NRCAM: variants seen among roughly 807,000 people sequenced by gnomAD.
NRCAM encodes the protein NgCAM-related cell adhesion molecule.
In NRCAM, 83 loss-of-function variants were observed where a neutral mutation model predicts 156.5. The ratio of observed to expected loss-of-function variants is 0.53; its 90% CI spans 0.44 to 0.64. The LOEUF is 0.64. Among genes scored for constraint, NRCAM ranks in the 30% least tolerant of loss-of-function variants. The pLI is 0.00. For missense variants in NRCAM, 1,417 were observed against 1,597.3 expected, an observed-to-expected ratio of 0.89 and a Z score of 1.92; for synonymous variants, 538 against 563.9, an observed-to-expected ratio of 0.95 and a Z score of 0.65.
In NRCAM at chr7:108,308,015, G is replaced by A. The variant is rs372506387; in HGVS notation, c.-107+4650C>T. 1.2e-4 allele frequency among the ~76,000 whole-genome samples: 18 copies of A among 152,300 alleles called. No individual in the cohort carries two copies. The East Asian group carries it at 3.5e-3, about 29-fold the overall frequency. ...TCTCACTTCCAATTGTCCATACTTG[G>A]AGTATCTCACCCATTAGGTTATGTT... On this transcript the variant is annotated intron_variant, in intron 3 of 32. Transcript: ENST00000379028.
intron 1 of NRCAM, among the ~76,000 whole-genome samples, chr7:108,424,395 G>A (rs757984696): frequency 5.3e-5 from 8 of 152,334 alleles, no homozygotes; most frequent in Admixed American, 1.3e-4. Context: ...AAGGGAAGTC[G>A]GTCAGAGGTG....
intron 2 of NRCAM, among the ~76,000 whole-genome samples, chr7:108,316,972 T>C (rs1364617665): frequency 6.6e-6 from 1 of 152,168 alleles, no homozygotes; most frequent in Non-Finnish European, 1.5e-5. Context: ...AGAGAGCTAA[T>C]ATGTGTCACT....
chr7:108,227,324 T>C (rs2093636349), intron 8 of NRCAM, among the ~76,000 whole-genome samples: 1 of 152,206 alleles, frequency 6.6e-6, no homozygotes, highest in Non-Finnish European at 1.5e-5. Flanking sequence ...ATTTTCTTTA[T>C]CTTTTATGGA....
intron 3 of NRCAM, among the ~76,000 whole-genome samples, chr7:108,247,917 T>C (rs1249245591): frequency 6.6e-6 from 1 of 152,076 alleles, no homozygotes; most frequent in Non-Finnish European, 1.5e-5. Flanking sequence ...TCTCAGCTGA[T>C]TCCCTTCACA....
chr7:108,409,426 T>G (rs1792534509), intron 1 of NRCAM, among the ~76,000 whole-genome samples: 1 of 152,194 alleles, frequency 6.6e-6, no homozygotes, highest in Non-Finnish European at 1.5e-5. Context: ...CTTCTGACAC[T>G]TCCTTCCCAA....
chr7:108,337,019 C>T (rs1016006307), intron 2 of NRCAM, among the ~76,000 whole-genome samples: 4 of 152,052 alleles, frequency 2.6e-5, no homozygotes, highest in Non-Finnish European at 4.4e-5. Context: ...AATCCCAGCA[C>T]TTTAGGAGGC....
intron 3 of NRCAM, among the ~76,000 whole-genome samples, chr7:108,276,685 A>G (rs1424552177): frequency 1.3e-5 from 2 of 151,786 alleles, no homozygotes; most frequent in African/African-American, 2.4e-5. Flanking sequence ...TTGACTCTTT[A>G]TCTAATTTGC....
intron 1 of NRCAM, among the ~76,000 whole-genome samples, chr7:108,435,126 C>T (rs540879025): frequency 1.9e-4 from 29 of 151,798 alleles, no homozygotes; most frequent in Non-Finnish European, 3.7e-4. Context: ...AAATATGTTC[C>T]GAAACTAAAG....
chr7:108,292,408 A>C (rs759549), intron 3 of NRCAM, among the ~76,000 whole-genome samples: 126,419 of 152,204 alleles, frequency 0.83, 52,599 homozygotes, highest in East Asian at 0.91. Flanking sequence ...AAACAATATC[A>C]AAGTCAGAAA....
At chr7:108,285,499 C>T (rs1369171845) in intron 3 of NRCAM, among the ~76,000 whole-genome samples, 2 of 152,080 alleles carry the variant, frequency 1.3e-5, no homozygotes, top group Non-Finnish European at 2.9e-5. Context: ...AACAGAATTC[C>T]CAGTTTGCTC....
At chr7:108,265,260 C>G (rs1337664481) in intron 3 of NRCAM, among the ~76,000 whole-genome samples, 1 of 152,178 alleles carries the variant, frequency 6.6e-6, no homozygotes, top group Admixed American at 6.5e-5. Flanking sequence ...AACCCTGGAG[C>G]TTTGGGATAC....
chr7:108,168,239 C>A, intron 29 of NRCAM, 38 bp downstream of exon 29: 3 of 1,465,478 alleles, frequency 2.0e-6, no homozygotes, highest in South Asian at 1.6e-5. Context: ...AAAATGCATC[C>A]CCCAAATTAA....
chr7:108,454,045 C>G (rs1392185536), intron 1 of NRCAM, among the ~76,000 whole-genome samples: 3 of 152,148 alleles, frequency 2.0e-5, no homozygotes, highest in Admixed American at 1.3e-4. Context: ...GTGCCAGGAA[C>G]ATCTATGTAA....
At chr7:108,205,125 G>A (rs572083807) in intron 13 of NRCAM, among the ~76,000 whole-genome samples, 1 of 152,284 alleles carries the variant, frequency 6.6e-6, no homozygotes, top group South Asian at 2.1e-4. Flanking sequence ...TGGGGTCTCT[G>A]GGAGGTGATC....
chr7:108,225,531 A>C, intron 10 of NRCAM, 114 bp downstream of exon 10: 1 of 757,764 alleles, frequency 1.3e-6, no homozygotes, highest in Non-Finnish European at 2.4e-6. Context: ...GTGGTATTTA[A>C]CATATAACTA....
chr7:108,273,653 G>A (rs990920907), intron 3 of NRCAM, among the ~76,000 whole-genome samples: 7 of 152,150 alleles, frequency 4.6e-5, no homozygotes, highest in South Asian at 2.1e-4. Context: ...CCCTTTGTCA[G>A]ATGAGTAGAT....
intron 2 of NRCAM, among the ~76,000 whole-genome samples, chr7:108,349,997 C>T (rs10428924): frequency 5.8e-4 from 89 of 152,292 alleles, no homozygotes; most frequent in African/African-American, 1.9e-3. Flanking sequence ...TCGGTGATCA[C>T]GCTTCACCCA....
At chr7:108,376,351 G>A (rs1303594604) in intron 2 of NRCAM, among the ~76,000 whole-genome samples, 1 of 152,148 alleles carries the variant, frequency 6.6e-6, no homozygotes, top group Non-Finnish European at 1.5e-5. Context: ...GCTCTCTGGA[G>A]GTAACCTGGT....
chr7:108,279,793 CAAGTG>C (rs1480539937), intron 3 of NRCAM, among the ~76,000 whole-genome samples: 2 of 151,966 alleles, frequency 1.3e-5, no homozygotes. Flanking sequence ...AACTCCTGAG[CAAGTG>C]ATCCTCCCAT....
Sources: gnomAD v4.1 joint callset for allele counts (sites outside exome capture counted in the v4.1 genomes callset) on GRCh38, gnomAD v4.1.1 for gene constraint, MANE v1.5 for transcripts, NCBI Gene and HGNC (gene_info 2026-07-23, HGNC 2026-07-21) for gene names.